MMRN1: variants seen among roughly 807,000 people sequenced by gnomAD.
The protein encoded by MMRN1 is multimerin 1, also known as multimerin-1.
A neutral mutation model predicts 100.7 loss-of-function variants in MMRN1; 94 were observed. The ratio of observed to expected loss-of-function variants is 0.93; its 90% CI spans 0.79 to 1.11. MMRN1 has a LOEUF of 1.11. MMRN1 is among the 50% of genes least tolerant of loss of function. MMRN1 has a pLI of 0.00. For missense variants in MMRN1, 1,606 were observed against 1,439.1 expected, an observed-to-expected ratio of 1.12 and a Z score of -1.88; for synonymous variants, 575 against 505.0, an observed-to-expected ratio of 1.14 and a Z score of -1.86.
intron 1 of MMRN1, among the ~76,000 whole-genome samples, chr4:89,902,757 A>AT (rs1721433340): frequency 1.3e-5 from 2 of 151,988 alleles, no homozygotes; most frequent in Admixed American, 1.3e-4. Context: ...TTAAAGTCTA[A>AT]ATTAACCATA....
intron 1 of MMRN1, among the ~76,000 whole-genome samples, chr4:89,885,802 C>T (rs899267184): frequency 3.3e-5 from 5 of 151,924 alleles, no homozygotes; most frequent in African/African-American, 1.2e-4. Flanking sequence ...GTCTTGCTAA[C>T]GGTCAATTAA....
chr4:89,909,720 C>CT (rs34129288), intron 2 of MMRN1, among the ~76,000 whole-genome samples: 12,909 of 151,382 alleles, frequency 0.085, 1,017 homozygotes, highest in East Asian at 0.3. Flanking sequence ...CAATCCTGTC[C>CT]TTAATTGCTT....
chr4:89,894,836 G>C, upstream of MMRN1: 1 of 1,420,960 alleles, frequency 7.0e-7, no homozygotes. Flanking sequence ...ACAAAACACA[G>C]AAACCTGTTT....
chr4:89,951,651 G>C lies in MMRN1; in HGVS notation c.3165G>C (p.Thr1055=), dbSNP rs778903851. 6.4e-7 allele frequency: 1 copy of C among 1,567,356 alleles called. No individual in the cohort carries two copies. Among genetic ancestry groups the C allele is most frequent in the Non-Finnish European group, 8.6e-7 (1 of 1,162,310 alleles). The change falls in exon 7 of 8, where the codon ACG becomes ACC. Residue 1055 remains threonine (T), a synonymous_variant. Transcript: ENST00000264790. Reference sequence around the variant, plus strand: ...GGCATCCGTGCCAAAATGGGGGCACGTGCATAAATGGAAGAACTAGCTTTA... The same window carrying C: ...GGCATCCGTGCCAAAATGGGGGCACCTGCATAAATGGAAGAACTAGCTTTA... The part of the protein sequence containing the change: ...CSRHPCQNGG[T]CINGRTSFTC...
intron 2 of MMRN1, among the ~76,000 whole-genome samples, chr4:89,911,703 A>T (rs745901492): frequency 2.6e-5 from 4 of 151,442 alleles, no homozygotes; most frequent in Non-Finnish European, 4.4e-5. Flanking sequence ...TTAGAAAGTC[A>T]ATGGCAGGTA....
In MMRN1 at chr4:89,894,883, G is replaced by A; in HGVS notation, c.-89G>A. On this transcript the variant is annotated 5_prime_UTR_variant, in exon 1 of 8. Coordinates refer to ENST00000264790, the MANE Select transcript of MMRN1 (RefSeq NM_007351.3). ...CTCAAACTGGCAAAACTCAGTCTTA[G>A]CAGATTCAGTGTGGAAGCAGCTATC... 6.6e-7 allele frequency: 1 copy of A among 1,517,012 alleles called. No homozygotes were observed. Among genetic ancestry groups the A allele is most frequent in the Admixed American group, 2.2e-5 (1 of 45,484 alleles). 94.0% of individuals were successfully genotyped at this position (1,517,012 alleles called of 1,614,324 possible).
At chr4:89,920,576 A>G (rs1205678402) in intron 3 of MMRN1, among the ~76,000 whole-genome samples, 1 of 152,078 alleles carries the variant, frequency 6.6e-6, no homozygotes, top group Non-Finnish European at 1.5e-5. Flanking sequence ...CAAGGTTTTC[A>G]TTTCTTAAAC....
At chr4:89,891,872 G>A (rs562985081), upstream of MMRN1, among the ~76,000 whole-genome samples, 24 of 152,018 alleles carry the variant, frequency 1.6e-4, no homozygotes, top group Middle Eastern at 3.4e-3. Context: ...CTATTAATCT[G>A]GTGGAAGTTA....
intron 1 of MMRN1, among the ~76,000 whole-genome samples, chr4:89,885,372 CTGAAGTTTTGTTTTTCT>C (rs1720913377): frequency 6.6e-6 from 1 of 151,936 alleles, no homozygotes; most frequent in Admixed American, 6.6e-5. Flanking sequence ...AGATACTGGT[CTGAAGTTTTGTTTTTCT>C]TGAAATTTTT....
At chr4:89,923,498 G>A (rs948924607) in intron 4 of MMRN1, among the ~76,000 whole-genome samples, 1 of 152,190 alleles carries the variant, frequency 6.6e-6, no homozygotes, top group African/African-American at 2.4e-5. Flanking sequence ...TGCAAACACA[G>A]AAAGAATAAA....
rs1253391437 is a variant in MMRN1, at chr4:89,909,195, G to T, written c.624-81G>T. On this transcript the variant is annotated intron_variant, in intron 1 of 7. Transcript: ENST00000264790. The stretch of plus-strand genomic sequence containing the variant: ...GATCTATAGTATGGCAAAAATAAAT[G>T]TTTGTCTGTGAAAATAATTTTGATG... 4.2e-6 allele frequency: 6 copies of T among 1,443,470 alleles called. No homozygotes were observed. In the African/African-American group the frequency reaches 4.3e-5, roughly 10 times the overall value. 89.4% of individuals were successfully genotyped at this position (1,443,470 alleles called of 1,614,324 possible).
At chr4:89,888,633 A>G (rs1399138721) in intron 1 of MMRN1, among the ~76,000 whole-genome samples, 1 of 151,972 alleles carries the variant, frequency 6.6e-6, no homozygotes, top group African/African-American at 2.4e-5. Context: ...TCGTTCACAT[A>G]TTCATCTTTT....
chr4:89,943,856 G>A (rs1722907138), intron 6 of MMRN1, among the ~76,000 whole-genome samples: 2 of 151,802 alleles, frequency 1.3e-5, no homozygotes, highest in African/African-American at 4.8e-5. Flanking sequence ...CAGGTGTAGT[G>A]GCACGTGCCC....
chr4:89,911,410 A>C (rs1721746700), intron 2 of MMRN1, among the ~76,000 whole-genome samples: 1 of 151,392 alleles, frequency 6.6e-6, no homozygotes. Context: ...ACTATATGAC[A>C]AAAATAGTAG....
intron 6 of MMRN1, chr4:89,951,367 C>G (rs1047262774): frequency 2.7e-6 from 1 of 365,528 alleles, no homozygotes; most frequent in Admixed American, 4.2e-5. Context: ...ACATTTCACA[C>G]CAATAAATGT....
At chr4:89,899,949 T>G (rs958528399) in intron 1 of MMRN1, among the ~76,000 whole-genome samples, 5 of 152,060 alleles carry the variant, frequency 3.3e-5, no homozygotes, top group African/African-American at 4.8e-5. Flanking sequence ...TAAGTCAGAT[T>G]AATGCATTTC....
At chr4:89,919,921 A>T (rs573176309) in intron 3 of MMRN1, among the ~76,000 whole-genome samples, 4 of 152,178 alleles carry the variant, frequency 2.6e-5, no homozygotes, top group Non-Finnish European at 5.9e-5. Context: ...TGTAGCAAAT[A>T]CAAAAATCAT....
At chr4:89,939,365 A>T (rs57175349) in intron 6 of MMRN1, among the ~76,000 whole-genome samples, 20,930 of 152,044 alleles carry the variant, frequency 0.14, 1,955 homozygotes, top group East Asian at 0.33. Flanking sequence ...GCATATAAAT[A>T]TAGTGTTTTA....
At chr4:89,902,302 T>G (rs1428911333) in intron 1 of MMRN1, among the ~76,000 whole-genome samples, 2 of 151,172 alleles carry the variant, frequency 1.3e-5, no homozygotes, top group Non-Finnish European at 2.9e-5. Context: ...AATGTGCACA[T>G]GTACCCTAAA....
Sources: gnomAD v4.1 joint callset for allele counts (sites outside exome capture counted in the v4.1 genomes callset) on GRCh38, gnomAD v4.1.1 for gene constraint, MANE v1.5 for transcripts, NCBI Gene and HGNC (gene_info 2026-07-23, HGNC 2026-07-21) for gene names.